Variants in MRM1 observed in about 807,000 individuals in gnomAD.
The protein encoded by MRM1 is mitochondrial rRNA methyltransferase 1, also known as rRNA methyltransferase 1, mitochondrial.
Under a neutral mutation model 25.0 loss-of-function variants are expected in MRM1, and 24 were observed. That is an observed-to-expected ratio of 0.96 (90% CI 0.69 to 1.35). MRM1 has a LOEUF of 1.35. Ranked by LOEUF, MRM1 falls within the 40% of genes most tolerant of loss-of-function variation. The probability of loss-of-function intolerance (pLI) is 0.00; values close to 1 mark genes in which losing one functional copy is unlikely to be tolerated. For missense variants in MRM1, 431 were observed against 464.1 expected, an observed-to-expected ratio of 0.93 and a Z score of 0.65; for synonymous variants, 188 against 199.2, an observed-to-expected ratio of 0.94 and a Z score of 0.47.
In MRM1 at chr17:36,607,546, C is replaced by T. The variant is rs992144116; in HGVS notation, c.637-124C>T. On this transcript the variant is annotated intron_variant, in intron 2 of 4. Coordinates refer to ENST00000614766, the MANE Select transcript of MRM1 (RefSeq NM_024864.5). ...GCTGAGGTGGGAGGATCACCAGAACCCAGGCGGTTGAGGCTGCGGTGAGCT... is the reference window on the plus strand; with the variant it reads ...GCTGAGGTGGGAGGATCACCAGAACTCAGGCGGTTGAGGCTGCGGTGAGCT... 8 of 1,184,550 alleles carry T rather than the reference C, an allele frequency of 6.8e-6. No homozygotes were observed. In the African/African-American group the frequency reaches 1.2e-4, roughly 18 times the overall value. The allele number at this position is 1,184,550 out of a possible 1,614,324, so 73.4% of individuals were successfully genotyped here.
the MRM1 span, among the ~76,000 whole-genome samples, chr17:36,633,464 G>A: frequency 1.3e-5 from 2 of 152,148 alleles, no homozygotes; most frequent in African/African-American, 4.8e-5. Context: ...CTCTTCCTTC[G>A]AAGAACAGAT....
chr17:36,633,752 C>A, the MRM1 span, among the ~76,000 whole-genome samples: 1 of 152,084 alleles, frequency 6.6e-6, no homozygotes, highest in Admixed American at 6.6e-5. Flanking sequence ...GCAGAGCAGT[C>A]CCCGATAGCA....
chr17:36,621,303 A>G, the MRM1 span, among the ~76,000 whole-genome samples: 1 of 151,940 alleles, frequency 6.6e-6, no homozygotes, highest in African/African-American at 2.4e-5. Flanking sequence ...TCTCCTACTG[A>G]GGGCTGGGAG....
chr17:36,608,111 C>A, intron 4 of MRM1, 93 bp downstream of exon 4: 2 of 1,543,902 alleles, frequency 1.3e-6, no homozygotes, highest in South Asian at 1.2e-5. Flanking sequence ...TGTTTGTGTG[C>A]CTCAGTTGCT....
At chr17:36,626,332 G>A in the MRM1 span, among the ~76,000 whole-genome samples, 4 of 152,150 alleles carry the variant, frequency 2.6e-5, no homozygotes, top group African/African-American at 9.7e-5. Context: ...AGTCACTGTT[G>A]ACGTTCTGGG....
chr17:36,615,659 CAA>C, the MRM1 span, among the ~76,000 whole-genome samples: 5 of 109,062 alleles, frequency 4.6e-5, no homozygotes, highest in African/African-American at 3.4e-5. Context: ...AACTCCGTCT[CAA>C]AAAAAAAAAA....
chr17:36,603,773 AT>A (rs1343728193), intron 2 of MRM1, among the ~76,000 whole-genome samples: 1 of 152,228 alleles, frequency 6.6e-6, no homozygotes, highest in Admixed American at 6.5e-5. Flanking sequence ...CTCGATTTGA[AT>A]TAGCCACCTT....
intron 2 of MRM1, among the ~76,000 whole-genome samples, chr17:36,607,096 T>A (rs1205503697): frequency 6.6e-6 from 1 of 151,716 alleles, no homozygotes; most frequent in Non-Finnish European, 1.5e-5. Context: ...GTATTTTTAG[T>A]AGAGACGGGG....
chr17:36,628,866 G>A, the MRM1 span, among the ~76,000 whole-genome samples: 1 of 152,148 alleles, frequency 6.6e-6, no homozygotes, highest in Admixed American at 6.5e-5. Flanking sequence ...AGATCAGCCT[G>A]ACCTCCCTGC....
chr17:36,621,991 C>T, the MRM1 span, among the ~76,000 whole-genome samples: 1 of 152,156 alleles, frequency 6.6e-6, no homozygotes, highest in Non-Finnish European at 1.5e-5. Flanking sequence ...TGTGCATCTG[C>T]CTCTGTGTGT....
chr17:36,630,048 C>T, the MRM1 span, among the ~76,000 whole-genome samples: 2 of 152,346 alleles, frequency 1.3e-5, no homozygotes, highest in East Asian at 3.9e-4. Context: ...AGGCATGTGA[C>T]CTTGGGCAAG....
chr17:36,607,665 T>C lies in MRM1; in HGVS notation c.637-5T>C. On this transcript the variant is annotated splice_polypyrimidine_tract_variant and splice_region_variant and intron_variant, in intron 2 of 4. Transcript: ENST00000614766. ...AATTAGAACATATCTTCTTCCCCCT[T>C]TCAGACCAAAGCCCAGCAGGGCTGG... 6.2e-7 allele frequency: 1 copy of C among 1,609,516 alleles called. No individual in the cohort carries two copies. Among genetic ancestry groups the C allele is most frequent in the Non-Finnish European group, 8.5e-7 (1 of 1,178,398 alleles).
the MRM1 span, among the ~76,000 whole-genome samples, chr17:36,614,337 C>A: frequency 1.3e-5 from 2 of 152,106 alleles, no homozygotes; most frequent in Admixed American, 1.3e-4. Context: ...AAAGTTCTAA[C>A]GGCCTCCTAC....
chr17:36,613,924 T>C (rs1202066825), downstream of MRM1, among the ~76,000 whole-genome samples: 1 of 152,044 alleles, frequency 6.6e-6, no homozygotes, highest in African/African-American at 2.4e-5. Flanking sequence ...TGAGCCTCAG[T>C]TTCTTAATCT....
chr17:36,605,417 T>C (rs2074920525), intron 2 of MRM1, among the ~76,000 whole-genome samples: 1 of 151,730 alleles, frequency 6.6e-6, no homozygotes, highest in African/African-American at 2.4e-5. Flanking sequence ...CAAGAAGTCC[T>C]CCTGCCTTAG....
chr17:36,625,338 C>T, the MRM1 span, among the ~76,000 whole-genome samples: 51 of 151,872 alleles, frequency 3.4e-4, no homozygotes, highest in African/African-American at 1.1e-3. Context: ...CCTTCTCCTT[C>T]GCCTTCTTCT....
In MRM1 at chr17:36,602,121, G is replaced by T. The variant is rs1320873289; in HGVS notation, c.311G>T (p.Arg104Leu). 1.2e-6 allele frequency: 2 copies of T among 1,612,432 alleles called. No homozygotes were observed. The highest frequency in any genetic ancestry group is 1.7e-6 in the Non-Finnish European group (2 of 1,179,796). The stretch of plus-strand genomic sequence containing the variant: ...GACATTCCAGTTCTGCGGCCCAGAC[G>T]GCAGAAACTGGACACAATGTGCCGC... The part of the protein sequence containing the change: ...ARDIPVLRPR[R>L]QKLDTMCRYQ... Residue 104 changes from arginine (R) to leucine (L), a missense_variant, in exon 1 of 5, where the codon CGG becomes CTG. Coordinates refer to ENST00000614766, the MANE Select transcript of MRM1 (RefSeq NM_024864.5). This position sits in a 1 kb window ranked among gnomAD's most constrained non-coding sequence, Gnocchi z 4.1.
intron 4 of MRM1, 92 bp from the exon 5 acceptor site, chr17:36,608,151 G>A (rs1300809792): frequency 3.3e-6 from 5 of 1,521,522 alleles, no homozygotes; most frequent in Non-Finnish European, 4.4e-6. Flanking sequence ...ATTACATCCC[G>A]TTGATGAGAT....
chr17:36,631,049 C>G, the MRM1 span, among the ~76,000 whole-genome samples: 6 of 152,232 alleles, frequency 3.9e-5, no homozygotes, highest in Non-Finnish European at 7.3e-5. Flanking sequence ...ATAACAATGT[C>G]TCCCCCACGG....
Sources: gnomAD v4.1 joint callset for allele counts (sites outside exome capture counted in the v4.1 genomes callset) on GRCh38, gnomAD v4.1.1 for gene constraint, Gnocchi (gnomAD v3.1) non-coding constraint, MANE v1.5 for transcripts, NCBI Gene and HGNC (gene_info 2026-07-23, HGNC 2026-07-21) for gene names.